RAPGEF3: variants seen among roughly 807,000 people sequenced by gnomAD.
RAPGEF3 encodes the protein Rap guanine nucleotide exchange factor 3, also known as 9330170P05Rik.
RAPGEF3 carries 103 observed loss-of-function variants against 129.8 expected under a neutral mutation model. The ratio of observed to expected loss-of-function variants is 0.79; its 90% CI spans 0.68 to 0.93. RAPGEF3 has a LOEUF of 0.93. Ranked by LOEUF, RAPGEF3 falls within the 40% of genes least tolerant of loss-of-function variation. RAPGEF3 has a pLI of 0.00. For synonymous variants in RAPGEF3, 436 were observed against 482.6 expected (o/e 0.90, Z 1.26); for missense variants, 1,117 against 1,207.4 (o/e 0.93, Z 1.11).
At chr12:47,738,835 T>C in intron 24 of RAPGEF3, 81 bp from the exon 25 acceptor site, 2 of 1,272,558 alleles carry the variant, frequency 1.6e-6, no homozygotes, top group East Asian at 2.3e-5. Context: ...GCATAACGGC[T>C]CCCTTGGGCC....
In RAPGEF3 at chr12:47,750,379, G is replaced by C. The variant is rs750078963; in HGVS notation, c.718C>G (p.Leu240Val). 6 of 1,613,934 alleles carry C rather than the reference G, an allele frequency of 3.7e-6. No homozygotes were observed. The highest frequency in any genetic ancestry group is 5.1e-6 in the Non-Finnish European group (6 of 1,179,946). ...TGGGCCACAGCCTTGATGTGCAGCA[G>C]CTCCTCAAAGATGAGGTCCAGCTCT... ...DEELDLIFEELLHIKAVAHLS... is the reference protein window; with the variant it reads ...DEELDLIFEEVLHIKAVAHLS... The change falls in exon 7 of 28, where the codon CTG (leucine) becomes GTG (valine). Residue 240 changes from leucine to valine, a missense_variant. By Grantham distance (32) the Leu-to-Val change is conservative (BLOSUM62 1). Transcript: ENST00000449771.
intron 2 of RAPGEF3, among the ~76,000 whole-genome samples, chr12:47,755,202 TAGC>T (rs1237743716): frequency 6.6e-6 from 1 of 152,216 alleles, no homozygotes; most frequent in Non-Finnish European, 1.5e-5. Flanking sequence ...CTTTGCCACT[TAGC>T]AGCTGCGTAA....
At chr12:47,752,258 T>C (rs10875689) in intron 2 of RAPGEF3, among the ~76,000 whole-genome samples, 53,466 of 152,106 alleles carry the variant, frequency 0.35, 9,884 homozygotes, top group Admixed American at 0.48. Flanking sequence ...GGTGTGCCCA[T>C]GCCCCCAGGT....
At position 47,740,192 on chromosome 12, in the gene RAPGEF3, C is replaced by T; in HGVS notation, c.2323-1G>A. Reference sequence around the variant, plus strand: ...GCTTCCGGACTTTGTGAGGCAGCCGCTGTGAAAAGGAGGCAGATGAGCGGC... The same window carrying T: ...GCTTCCGGACTTTGTGAGGCAGCCGTTGTGAAAAGGAGGCAGATGAGCGGC... On this transcript the variant is annotated splice_acceptor_variant, in intron 22 of 27. Transcript: ENST00000449771. LOFTEE classifies it high-confidence loss of function. 2 of 1,613,820 alleles carry T rather than the reference C, an allele frequency of 1.2e-6. No homozygotes were observed. Among genetic ancestry groups the T allele is most frequent in the Non-Finnish European group, 1.7e-6 (2 of 1,179,922 alleles).
rs1592562522 is a variant in RAPGEF3, at chr12:47,749,827, G to A, written c.818-10C>T. ...TCCCCCTGGCTGAACACTGACAGAA[G>A]CATACCTCAGACCGGGCCCTCCTGG... On this transcript the variant is annotated splice_polypyrimidine_tract_variant and intron_variant, in intron 8 of 27. Coordinates refer to ENST00000449771, the MANE Select transcript of RAPGEF3 (RefSeq NM_001098531.4). The surrounding 1 kb of genome is among the most constrained non-coding windows in gnomAD (Gnocchi z 4.5). The A allele has an allele frequency of 6.2e-7, 1 of 1,614,186 alleles. No homozygotes were observed. The highest frequency in any genetic ancestry group is 1.1e-5 in the South Asian group (1 of 91,086).
chr12:47,748,980 A>G (rs1941590450), intron 10 of RAPGEF3, 49 bp from the exon 11 acceptor site: 1 of 1,440,596 alleles, frequency 6.9e-7, no homozygotes, highest in Non-Finnish European at 9.8e-7. Context: ...TTCCAGCTTT[A>G]GACCCTCTCA....
chr12:47,743,044 AG>A (rs1184992468), intron 18 of RAPGEF3, among the ~76,000 whole-genome samples: 1 of 152,266 alleles, frequency 6.6e-6, no homozygotes, highest in African/African-American at 2.4e-5. Flanking sequence ...GTCTGAAAAT[AG>A]GATAAAAGTA....
chr12:47,737,911 G>C, intron 27 of RAPGEF3, 111 bp downstream of exon 27: 1 of 1,361,516 alleles, frequency 7.3e-7, no homozygotes, highest in East Asian at 2.4e-5. Flanking sequence ...CATCATGTAT[G>C]GAAGGGCCGG....
In RAPGEF3 at chr12:47,734,827, G is replaced by C. The variant is rs1239911104; in HGVS notation, c.*2740C>G. ...TCTAACTCAGTGCTGAGTGGAGGGGGATGGGGTGCCGGATCTCAGGCTCTG... is the reference window on the plus strand; with the variant it reads ...TCTAACTCAGTGCTGAGTGGAGGGGCATGGGGTGCCGGATCTCAGGCTCTG... On this transcript the variant is annotated 3_prime_UTR_variant, in exon 28 of 28. Transcript: ENST00000449771. 1.3e-5 allele frequency: 2 copies of C among 152,286 alleles called. No homozygotes were observed. Among genetic ancestry groups the C allele is most frequent in the Non-Finnish European group, 2.9e-5 (2 of 68,070 alleles). 9.4% of individuals were successfully genotyped at this position (152,286 alleles called of 1,614,324 possible). A position where few individuals can be genotyped will look rare whatever the true frequency, so the allele number is the denominator to read the frequency against.
At chr12:47,748,365 G>C in intron 12 of RAPGEF3, 89 bp downstream of exon 12, 1 of 1,254,014 alleles carries the variant, frequency 8.0e-7, no homozygotes, top group Non-Finnish European at 1.1e-6. Context: ...AGCATTCGGT[G>C]ACGTCAGATG....
chr12:47,746,418 CCT>C (rs1592552701), intron 16 of RAPGEF3: 1 of 524,576 alleles, frequency 1.9e-6, no homozygotes, highest in Non-Finnish European at 3.3e-6. Flanking sequence ...CTTCTCATCC[CCT>C]CTTTGCTTCC....
At position 47,748,124 on chromosome 12, in the gene RAPGEF3, G is replaced by A. The variant is rs780771395; in HGVS notation, c.1272C>T (p.Thr424=). 2 of 1,588,718 alleles carry A rather than the reference G, an allele frequency of 1.3e-6. No individual in the cohort carries two copies. The highest frequency in any genetic ancestry group is 2.3e-5 in the East Asian group (1 of 43,814). Reference sequence around the variant, plus strand: ...GGGCGCTGGGCATGAAGACCCTGTGGGTCAGGAGGAAGTCGCTGAGGAATG... The same window carrying A: ...GGGCGCTGGGCATGAAGACCCTGTGAGTCAGGAGGAAGTCGCTGAGGAATG... ...TETFLSDFLL[T]HRVFMPSAQL... Residue 424 remains threonine (T), a synonymous_variant, in exon 13 of 28, where the codon ACC becomes ACT. Coordinates refer to ENST00000449771, the MANE Select transcript of RAPGEF3 (RefSeq NM_001098531.4).
intron 1 of RAPGEF3, chr12:47,758,304 C>T: frequency 1.4e-6 from 2 of 1,433,300 alleles, no homozygotes; most frequent in East Asian, 5.0e-5. Flanking sequence ...AAAGATCAGG[C>T]CCTTCTTAGT....
chr12:47,743,374 C>T (rs111354241), intron 18 of RAPGEF3, among the ~76,000 whole-genome samples, 156 bp downstream of exon 18: 18 of 152,382 alleles, frequency 1.2e-4, no homozygotes, highest in South Asian at 4.1e-4. Context: ...AAATGCACTT[C>T]GAACAGACGC....
intron 2 of RAPGEF3, among the ~76,000 whole-genome samples, chr12:47,753,262 A>G (rs1941860351): frequency 6.6e-6 from 1 of 152,186 alleles, no homozygotes; most frequent in South Asian, 2.1e-4. Context: ...GGACAGCCAG[A>G]CAGCTGTGGA....
At chr12:47,748,261 G>T (rs894019620) in intron 12 of RAPGEF3, 109 bp from the exon 13 acceptor site, 4 of 1,053,094 alleles carry the variant, frequency 3.8e-6, no homozygotes, top group African/African-American at 3.1e-5. Context: ...CACCTGCAAG[G>T]TCCCAGCAGT....
At chr12:47,744,264 A>C in intron 16 of RAPGEF3, 196 bp from the exon 17 acceptor site, 4 of 589,428 alleles carry the variant, frequency 6.8e-6, no homozygotes, top group Non-Finnish European at 9.2e-6. Context: ...AAGACACAAC[A>C]TGTCTAAGGG....
At position 47,749,402 on chromosome 12, in the gene RAPGEF3, G is replaced by A; in HGVS notation, c.1029C>T (p.Asn343=). Residue 343 remains asparagine (N), a synonymous_variant, in exon 10 of 28, where the codon AAC becomes AAT. Coordinates refer to ENST00000449771, the MANE Select transcript of RAPGEF3 (RefSeq NM_001098531.4). The surrounding 1 kb of genome is among the most constrained non-coding windows in gnomAD (Gnocchi z 4.5). ...HFLRVDKQDF[N]RIIKDVEAKT... ...CCAGCAGCAGCACCTTGATGATACG[G>A]TTGAAGTCCTGCTTGTCCACACGCA... 6.2e-7 allele frequency: 1 copy of A among 1,612,678 alleles called. No homozygotes were observed.
Position 47,749,504 on chromosome 12 carries a change from A to G in RAPGEF3, c.927T>C (p.Asp309=). The G allele has an allele frequency of 1.2e-6, 2 of 1,611,910 alleles. No homozygotes were observed. Among genetic ancestry groups the G allele is most frequent in the Non-Finnish European group, 1.7e-6 (2 of 1,179,938 alleles). ...CATTCACCAGAGCCAGCTGTCCAAA[A>G]TCATCTCCCTCATGCAGGGTGGTCA... ...GLVTTLHEGD[D]FGQLALVNDA... The change falls in exon 10 of 28, where the codon GAT becomes GAC. Residue 309 remains aspartate, a synonymous_variant. Transcript: ENST00000449771. This position sits in a 1 kb window ranked among gnomAD's most constrained non-coding sequence, Gnocchi z 4.5.
Sources: gnomAD v4.1 joint callset for allele counts (sites outside exome capture counted in the v4.1 genomes callset) on GRCh38, gnomAD v4.1.1 for gene constraint, Gnocchi (gnomAD v3.1) non-coding constraint, MANE v1.5 for transcripts, NCBI Gene and HGNC (gene_info 2026-07-23, HGNC 2026-07-21) for gene names.